GK5: variants seen among roughly 807,000 people sequenced by gnomAD.
The protein encoded by GK5 is ATP:glycerol 3-phosphotransferase 5.
Under a neutral mutation model 77.3 loss-of-function variants are expected in GK5, and 39 were observed. The ratio of observed to expected loss-of-function variants is 0.50; its 90% confidence interval spans 0.39 to 0.66. The LOEUF (loss-of-function observed/expected upper bound fraction) is 0.66. GK5 is among the 30% of genes least tolerant of loss of function. GK5 has a pLI of 0.00. For missense variants in GK5, 487 were observed against 633.8 expected (o/e 0.77, Z 2.49); for synonymous variants, 211 against 208.0 (o/e 1.01, Z -0.13).
intron 15 of GK5, 90 bp from the exon 16 acceptor site, chr3:142,165,860 A>G (rs2063468525): frequency 5.1e-6 from 4 of 779,668 alleles, no homozygotes; most frequent in Non-Finnish European, 7.8e-6. Context: ...GCTGGTAGAA[A>G]GGTAAACAAA....
Position 142,225,311 on chromosome 3 carries a change from T to G in GK5, c.145A>C (p.Lys49Gln). ...CCCCACGCCCGCCCCCAAGTCACCT[T>G]CTGCACGCTGGAGCCGCAGACCCGC... ...AARVCGSSVQ[K>Q]VENLYPQIGW... The change falls in exon 1 of 16, where the codon AAG becomes CAG. Residue 49 changes from lysine to glutamine, a missense_variant and splice_region_variant. Transcript: ENST00000392993. 6.5e-7 allele frequency: 1 copy of G among 1,540,268 alleles called. No homozygotes were observed. The highest frequency in any genetic ancestry group is 8.7e-7 in the Non-Finnish European group (1 of 1,143,796).
intron 9 of GK5, 121 bp from the exon 10 acceptor site, chr3:142,183,170 TA>T (rs2063720383): frequency 2.3e-6 from 2 of 885,910 alleles, no homozygotes; most frequent in Non-Finnish European, 3.3e-6. Context: ...TCCTTTTCCT[TA>T]AAATTAAAAA....
chr3:142,188,700 C>T (rs2063808413), intron 5 of GK5, among the ~76,000 whole-genome samples: 2 of 152,212 alleles, frequency 1.3e-5, no homozygotes, highest in African/African-American at 4.8e-5. Flanking sequence ...TTATATGAAA[C>T]TCAAATTTCA....
chr3:142,216,423 G>T (rs1204782046), intron 1 of GK5, among the ~76,000 whole-genome samples: 2 of 152,112 alleles, frequency 1.3e-5, no homozygotes, highest in African/African-American at 4.8e-5. Context: ...GGCAGCAGCA[G>T]TTAATAATGG....
In GK5 at chr3:142,159,851, C is replaced by CTTTTTTTTTTTTTTTTTTTTTTTT. The variant is rs1342546449; in HGVS notation, c.*5770_*5771insAAAAAAAAAAAAAAAAAAAAAAAA. On this transcript the variant is annotated 3_prime_UTR_variant, in exon 16 of 16. Coordinates refer to ENST00000392993, the MANE Select transcript of GK5 (RefSeq NM_001039547.3). The stretch of plus-strand genomic sequence containing the variant: ...GCTTTCTCTCTCTCTCTCTCTCTCT[C>CTTTTTTTTTTTTTTTTTTTTTTTT]TCTTTTTTTTTTTTGAGACAGAGTC... 16 of 86,998 alleles carry CTTTTTTTTTTTTTTTTTTTTTTTT rather than the reference C, an allele frequency of 1.8e-4. No homozygotes were observed. The highest frequency in any genetic ancestry group is 6.3e-4 in the African/African-American group (14 of 22,176). 5.4% of individuals were successfully genotyped at this position (86,998 alleles called of 1,614,324 possible). A position where few individuals can be genotyped will look rare whatever the true frequency, so the allele number is the denominator to read the frequency against.
At chr3:142,189,205 T>C (rs1376882971) in intron 5 of GK5, among the ~76,000 whole-genome samples, 2 of 152,064 alleles carry the variant, frequency 1.3e-5, no homozygotes, top group African/African-American at 4.8e-5. Flanking sequence ...TCCCAGCAAA[T>C]AGCAGATGTT....
rs190914755 is a variant in GK5 at position 142,217,851 on chromosome 3, G to A, written c.148-2159C>T. On this transcript the variant is annotated intron_variant, in intron 1 of 15. Transcript: ENST00000392993. ...AAATAAGTGGCTCAACATTTACAGT[G>A]TGCTAAAAGAACTGCCATCCCAGAT... Among the ~76,000 whole-genome samples, 12 of 152,266 alleles carry A rather than the reference G, an allele frequency of 7.9e-5. No individual in the cohort carries two copies. In the East Asian group the frequency reaches 1.9e-3, roughly 24 times the overall value.
intron 4 of GK5, among the ~76,000 whole-genome samples, chr3:142,203,024 A>C (rs995117652): frequency 6.6e-6 from 1 of 152,220 alleles, no homozygotes; most frequent in Non-Finnish European, 1.5e-5. Context: ...CAAAGCAATA[A>C]AAGTGTTAAA....
At chr3:142,172,606 T>C (rs1262416706) in intron 12 of GK5, 150 bp from the exon 13 acceptor site, 1 of 482,328 alleles carries the variant, frequency 2.1e-6, no homozygotes, top group Admixed American at 3.4e-5. Flanking sequence ...TGGTAAATAT[T>C]GGGATAACTT....
At chr3:142,223,942 T>C (rs1433065222) in intron 1 of GK5, among the ~76,000 whole-genome samples, 1 of 152,228 alleles carries the variant, frequency 6.6e-6, no homozygotes, top group Non-Finnish European at 1.5e-5. Flanking sequence ...ACCTTGCTCC[T>C]GGGCAAGTGC....
At chr3:142,190,827 G>C (rs1180771021) in intron 5 of GK5, among the ~76,000 whole-genome samples, 1 of 151,988 alleles carries the variant, frequency 6.6e-6, no homozygotes, top group Non-Finnish European at 1.5e-5. Context: ...ATATCCTGGA[G>C]GTCCTTGCCA....
In GK5 at chr3:142,161,484, T is replaced by A. The variant is rs939608641; in HGVS notation, c.*4138A>T. On this transcript the variant is annotated 3_prime_UTR_variant, in exon 16 of 16. Transcript: ENST00000392993. ...TCAAGGATAACGTGTACAAACAAAG[T>A]TGCACTAACAAAGTAAAAATTTATC... 6.6e-6 allele frequency: 1 copy of A among 152,160 alleles called. No homozygotes were observed. The highest frequency in any genetic ancestry group is 2.4e-5 in the African/African-American group (1 of 41,418). The allele number at this position is 152,160 out of a possible 1,614,324, so 9.4% of individuals were successfully genotyped here. A position where few individuals can be genotyped will look rare whatever the true frequency, so the allele number is the denominator to read the frequency against.
rs1577098306 is a variant in GK5 at position 142,160,909 on chromosome 3, G to A, written c.*4713C>T. ...AATTTAAAAAAAATTTTTTTGTAGA[G>A]ACAAGGTCTCACTTTGCTGCCCAAG... On this transcript the variant is annotated 3_prime_UTR_variant, in exon 16 of 16. Coordinates refer to ENST00000392993, the MANE Select transcript of GK5 (RefSeq NM_001039547.3). 1 of 152,200 alleles carries A rather than the reference G, an allele frequency of 6.6e-6. No individual in the cohort carries two copies. The highest frequency in any genetic ancestry group is 1.5e-5 in the Non-Finnish European group (1 of 68,030). The allele number at this position is 152,200 out of a possible 1,614,324, so 9.4% of individuals were successfully genotyped here.
At chr3:142,181,425 G>T (rs374184214) in intron 11 of GK5, 36 bp downstream of exon 11, 1 of 1,276,930 alleles carries the variant, frequency 7.8e-7, no homozygotes, top group Non-Finnish European at 1.1e-6. Context: ...AATTCTTTAG[G>T]TCTGGCTTGT....
chr3:142,225,271 C>CT (rs759319046), intron 1 of GK5, 38 bp downstream of exon 1: 15 of 1,497,960 alleles, frequency 1.0e-5, no homozygotes, highest in Middle Eastern at 4.7e-4. Context: ...TCAGCGAAAC[C>CT]CAGTCAGACC....
chr3:142,166,792 C>T (rs1169545093), intron 15 of GK5, among the ~76,000 whole-genome samples: 2 of 152,144 alleles, frequency 1.3e-5, no homozygotes, highest in Non-Finnish European at 2.9e-5. Context: ...TCCTCAGCCC[C>T]GCAAAGTGTT....
intron 1 of GK5, among the ~76,000 whole-genome samples, chr3:142,219,670 CTTT>C (rs1560240214): frequency 2.0e-5 from 3 of 152,200 alleles, no homozygotes; most frequent in African/African-American, 7.2e-5. Flanking sequence ...GTCGATTTTA[CTTT>C]AACTTAAAAA....
At chr3:142,172,514 T>C in intron 12 of GK5, 58 bp from the exon 13 acceptor site, 1 of 902,228 alleles carries the variant, frequency 1.1e-6, no homozygotes, top group Non-Finnish European at 1.7e-6. Flanking sequence ...TCTACGGACT[T>C]GAGGAAATAC....
chr3:142,168,852 C>T (rs1391564882), intron 15 of GK5, among the ~76,000 whole-genome samples: 3 of 151,974 alleles, frequency 2.0e-5, no homozygotes, highest in Non-Finnish European at 4.4e-5. Flanking sequence ...CCTTCTTGCT[C>T]TCACCATAAC....
Sources: allele counts gnomAD v4.1 joint callset (sites outside exome capture counted in the v4.1 genomes callset), GRCh38; gene constraint gnomAD v4.1.1; transcripts MANE v1.5; gene names NCBI Gene and HGNC (gene_info 2026-07-23, HGNC 2026-07-21).